Variants in CCDC152 observed in about 807,000 individuals in gnomAD.
CCDC152 encodes coiled-coil domain containing 152.
CCDC152 carries 37 observed loss-of-function variants against 38.1 expected under a neutral mutation model. The observed-to-expected ratio is 0.97, with a 90% confidence interval of 0.75 to 1.28. The LOEUF (loss-of-function observed/expected upper bound fraction) is 1.28. Ranked by LOEUF, CCDC152 falls within the 50% of genes most tolerant of loss-of-function variation. CCDC152 has a pLI of 0.00. For synonymous variants in CCDC152, 83 were observed against 87.1 expected (o/e 0.95, Z 0.26); for missense variants, 259 against 292.1 (o/e 0.89, Z 0.83).
rs1023551913 is a variant in CCDC152, at chr5:42,780,084, CTAAA to C, written c.327+568_327+571del. On this transcript the variant is annotated intron_variant, in intron 5 of 8. Transcript: ENST00000361970. ...CAGCGTGTAAAAAGCATAAAAGATG[CTAAA>C]TAAATGTCAGTTCCCTCTGCTCTTT... Among the ~76,000 whole-genome samples, 31 of 152,238 alleles carry C rather than the reference CTAAA, an allele frequency of 2.0e-4. 3 individuals carry two copies. Among genetic ancestry groups the C allele is most frequent in the African/African-American group, 7.2e-4 (30 of 41,574 alleles).
intron 6 of CCDC152, among the ~76,000 whole-genome samples, chr5:42,788,108 G>A (rs1366689538): frequency 6.6e-6 from 1 of 152,056 alleles, no homozygotes; most frequent in Non-Finnish European, 1.5e-5. Context: ...ACTCCTTTGA[G>A]CATTTCTTGT....
intron 6 of CCDC152, among the ~76,000 whole-genome samples, chr5:42,785,369 G>T (rs984567946): frequency 6.6e-6 from 1 of 151,986 alleles, no homozygotes; most frequent in Non-Finnish European, 1.5e-5. Context: ...ATTGTTAATG[G>T]GATTGAGTTC....
Position 42,799,698 on chromosome 5 carries a change from G to C in CCDC152, c.682G>C (p.Ala228Pro), listed in dbSNP as rs1416034046. The C allele has an allele frequency of 6.5e-7, 1 of 1,549,618 alleles. No individual in the cohort carries two copies. Among genetic ancestry groups the C allele is most frequent in the African/African-American group, 1.4e-5 (1 of 73,078 alleles). The change falls in exon 9 of 9, where the codon GCA (alanine) becomes CCA (proline). Residue 228 changes from alanine to proline, a missense_variant. Physicochemically the swap from Ala to Pro is conservative, Grantham distance 27 (BLOSUM62 -1). Transcript: ENST00000361970. ...TCAAGAAGAAAAAAACAAGGAGATTGCAATTCTTCGTAATACCATTCGCGA... is the reference window on the plus strand; with the variant it reads ...TCAAGAAGAAAAAAACAAGGAGATTCCAATTCTTCGTAATACCATTCGCGA... ...HFQEEKNKEI[A>P]ILRNTIRDLE...
rs568165823 is a variant in CCDC152, at chr5:42,765,367, G to A, written c.193+2819G>A. Among the ~76,000 whole-genome samples the A allele has an allele frequency of 2.7e-4, 41 of 152,140 alleles. No homozygotes were observed. The South Asian group carries it at 7.7e-3, about 29-fold the overall frequency. ...AAGGAATCTACAGATTCAATGCAAT[G>A]CCTATCAAAATACCAGTGACATTCT... is the stretch of plus-strand genomic sequence containing the variant. On this transcript the variant is annotated intron_variant, in intron 3 of 8. Transcript: ENST00000361970.
chr5:42,778,404 A>C (rs943310205), intron 4 of CCDC152, among the ~76,000 whole-genome samples: 41 of 152,284 alleles, frequency 2.7e-4, no homozygotes, highest in African/African-American at 9.9e-4. Flanking sequence ...TCCCACTTCT[A>C]TTGACTCTTT....
chr5:42,760,508 T>C (rs779462112), intron 2 of CCDC152, among the ~76,000 whole-genome samples: 5 of 152,178 alleles, frequency 3.3e-5, no homozygotes, highest in Non-Finnish European at 7.3e-5. Context: ...GGACAAATGG[T>C]AGACCAAACC....
intron 6 of CCDC152, among the ~76,000 whole-genome samples, chr5:42,784,441 C>T (rs1207573686): frequency 6.6e-6 from 1 of 152,000 alleles, no homozygotes; most frequent in Non-Finnish European, 1.5e-5. Flanking sequence ...TCCTCTTTGC[C>T]CACTTTGTAA....
chr5:42,765,579 T>A (rs973051001), intron 3 of CCDC152, among the ~76,000 whole-genome samples: 2 of 152,004 alleles, frequency 1.3e-5, no homozygotes, highest in Non-Finnish European at 2.9e-5. Context: ...TAGACCAATG[T>A]AATAGAATAG....
At position 42,782,891 on chromosome 5, in the gene CCDC152, G is replaced by A. The variant is rs150710332; in HGVS notation, c.328-583G>A. Among the ~76,000 whole-genome samples the A allele has an allele frequency of 8.3e-3, 1,255 of 151,328 alleles. 12 individuals carry two copies. Among genetic ancestry groups the A allele is most frequent in the African/African-American group, 0.029 (1,215 of 41,216 alleles). On this transcript the variant is annotated intron_variant, in intron 5 of 8. Transcript: ENST00000361970. ...AAATTTAAATTTTTTTTTTGAGACA[G>A]AGTCTCGCTCTGTCCCCCAGGCTGG...
At position 42,801,131 on chromosome 5, in the gene CCDC152, GTGA is replaced by G. The variant is rs1471798319; in HGVS notation, c.*1354_*1356del. 6.2e-7 allele frequency: 1 copy of G among 1,614,142 alleles called. No homozygotes were observed. Among genetic ancestry groups the G allele is most frequent in the Non-Finnish European group, 8.5e-7 (1 of 1,180,020 alleles). On this transcript the variant is annotated 3_prime_UTR_variant, in exon 9 of 9. Coordinates refer to ENST00000361970, the MANE Select transcript of CCDC152 (RefSeq NM_001134848.2). ...TATGCTGACCCTTGTGCTTATGGTGGTGATGAAGGCCTGGAGGAGCAGGATGAG... is the reference window on the plus strand; with the variant it reads ...TATGCTGACCCTTGTGCTTATGGTGGTGAAGGCCTGGAGGAGCAGGATGAG...
chr5:42,800,882 A>G lies in CCDC152; in HGVS notation c.*1101A>G. The G allele has an allele frequency of 6.2e-7, 1 of 1,614,208 alleles. No homozygotes were observed. Among genetic ancestry groups the G allele is most frequent in the Non-Finnish European group, 8.5e-7 (1 of 1,180,018 alleles). ...CCTCTGCCCGAAGTCCCTGTCAGCT[A>G]CATAAAGATGGGAGGTTTTCTTTAC... On this transcript the variant is annotated 3_prime_UTR_variant, in exon 9 of 9. Coordinates refer to ENST00000361970, the MANE Select transcript of CCDC152 (RefSeq NM_001134848.2).
chr5:42,758,520 G>C (rs900320201), intron 1 of CCDC152, among the ~76,000 whole-genome samples: 2 of 152,162 alleles, frequency 1.3e-5, no homozygotes, highest in Non-Finnish European at 2.9e-5. Flanking sequence ...AGTCAGAATG[G>C]ATAAATTGAC....
intron 1 of CCDC152, among the ~76,000 whole-genome samples, chr5:42,758,319 A>C (rs1383317920): frequency 6.6e-6 from 1 of 152,220 alleles, no homozygotes; most frequent in Non-Finnish European, 1.5e-5. Flanking sequence ...TAACTACATC[A>C]GGAATTTTAC....
chr5:42,783,717 A>C lies in CCDC152; in HGVS notation c.430+141A>C, dbSNP rs1319638557. 1.0e-5 allele frequency: 3 copies of C among 287,604 alleles called. No homozygotes were observed. The Admixed American group carries it at 1.7e-4, about 16-fold the overall frequency. 17.8% of individuals were successfully genotyped at this position (287,604 alleles called of 1,614,324 possible). A position where few individuals can be genotyped will look rare whatever the true frequency, so the allele number is the denominator to read the frequency against. ...TTATATAGTGAACATAACTCGTGGT[A>C]GATCATTTTTCAACCCTCACCCCTC... On this transcript the variant is annotated intron_variant, in intron 6 of 8. Transcript: ENST00000361970.
chr5:42,800,073 A>G lies in CCDC152; in HGVS notation c.*292A>G, dbSNP rs994474275. On this transcript the variant is annotated 3_prime_UTR_variant, in exon 9 of 9. Transcript: ENST00000361970. ...GACAGACAATATTATCTTTCCCCTT[A>G]TATCTTTTAAGACAGCCACTCAAGT... The G allele has an allele frequency of 7.9e-5, 21 of 265,662 alleles. No individual in the cohort carries two copies. Among genetic ancestry groups the G allele is most frequent in the African/African-American group, 4.5e-4 (20 of 44,384 alleles). 16.5% of individuals were successfully genotyped at this position (265,662 alleles called of 1,614,324 possible).
chr5:42,795,641 C>T (rs1296232389), intron 6 of CCDC152, among the ~76,000 whole-genome samples: 1 of 152,116 alleles, frequency 6.6e-6, no homozygotes, highest in Non-Finnish European at 1.5e-5. Flanking sequence ...TAAATTTCAA[C>T]CTATTTCAAA....
intron 2 of CCDC152, among the ~76,000 whole-genome samples, chr5:42,761,000 G>A (rs113910492): frequency 2.0e-4 from 30 of 152,248 alleles, no homozygotes; most frequent in Middle Eastern, 6.8e-3. Context: ...GTCTCTTGGA[G>A]ATACATATGG....
In CCDC152 at chr5:42,800,399, G is replaced by T. The variant is rs917600332; in HGVS notation, c.*618G>T. ...TGTTGTTCTTCCTCCATTCTAAACTGCTAATTATCCAACAGAAACCCCTAG... is the reference window on the plus strand; with the variant it reads ...TGTTGTTCTTCCTCCATTCTAAACTTCTAATTATCCAACAGAAACCCCTAG... On this transcript the variant is annotated 3_prime_UTR_variant, in exon 9 of 9. Coordinates refer to ENST00000361970, the MANE Select transcript of CCDC152 (RefSeq NM_001134848.2). 5.0e-6 allele frequency: 1 copy of T among 198,888 alleles called. No individual in the cohort carries two copies. Among genetic ancestry groups the T allele is most frequent in the African/African-American group, 2.3e-5 (1 of 42,938 alleles). 12.3% of individuals were successfully genotyped at this position (198,888 alleles called of 1,614,324 possible).
At chr5:42,771,572 T>A in intron 4 of CCDC152, among the ~76,000 whole-genome samples, 1 of 149,282 alleles carries the variant, frequency 6.7e-6, no homozygotes, top group East Asian at 2.0e-4. Flanking sequence ...AAAGCAGAAA[T>A]GAAAGAGAAG....
Sources: gnomAD v4.1 joint callset for allele counts (sites outside exome capture counted in the v4.1 genomes callset) on GRCh38, gnomAD v4.1.1 for gene constraint, MANE v1.5 for transcripts, NCBI Gene and HGNC (gene_info 2026-07-23, HGNC 2026-07-21) for gene names.